FTSJ1: variants seen among roughly 807,000 people sequenced by gnomAD.
FTSJ1 encodes FtsJ RNA 2'-O-methyltransferase 1.
In FTSJ1, 3 loss-of-function variants were observed where a neutral mutation model predicts 28.5. The ratio of observed to expected loss-of-function variants is 0.11; its 90% confidence interval spans 0.05 to 0.27. The LOEUF (loss-of-function observed/expected upper bound fraction) is 0.27, where lower values mean the gene tolerates loss of function less well. Among genes scored for constraint, FTSJ1 ranks in the 10% least tolerant of loss-of-function variants. The probability of loss-of-function intolerance (pLI) is 1.00; values close to 1 mark genes in which losing one functional copy is unlikely to be tolerated. For missense variants in FTSJ1, 162 were observed against 279.0 expected, an observed-to-expected ratio of 0.58 and a Z score of 2.99; for synonymous variants, 104 against 113.9, an observed-to-expected ratio of 0.91 and a Z score of 0.55.
intron 8 of FTSJ1, 23 bp from the exon 9 acceptor site, chrX:48,481,609 C>T: frequency 8.6e-7 from 1 of 1,160,723 alleles, no homozygotes; most frequent in South Asian, 1.8e-5. Flanking sequence ...GCAGTCATGC[C>T]TCACTCCACC....
At chrX:48,476,623 G>T (rs2061533655) in intron 1 of FTSJ1, 2 of 178,726 alleles carry the variant, frequency 1.1e-5, no homozygotes, top group African/African-American at 3.0e-5. Flanking sequence ...GGTCGGAGCC[G>T]CCTGGAGGGG....
At chrX:48,478,288 G>A (rs1212400666) in intron 2 of FTSJ1, 120 bp downstream of exon 2, 1 of 857,995 alleles carries the variant, frequency 1.2e-6, no homozygotes, top group Non-Finnish European at 1.7e-6. Context: ...CTGGGGCAGG[G>A]AGACAGGCAG....
chrX:48,481,762 A>C, intron 9 of FTSJ1, 47 bp downstream of exon 9: 2 of 788,428 alleles, frequency 2.5e-6, no homozygotes, highest in Non-Finnish European at 3.9e-6. Context: ...GCCACACCTT[A>C]TGCAATCTAG....
chrX:48,483,080 A>T, intron 12 of FTSJ1, 53 bp downstream of exon 12: 1 of 971,054 alleles, frequency 1.0e-6, no homozygotes, highest in Non-Finnish European at 1.5e-6. Flanking sequence ...TTTATGAAAA[A>T]CCTCAGTAAA....
chrX:48,478,082 A>T lies in FTSJ1; in HGVS notation c.35A>T (p.Tyr12Phe), dbSNP rs782351182. ...ACGTCAAAGGACAAGCGGGATGTCT[A>T]CTACCGCCTGGCCAAGGAGAATGGC... ...GRTSKDKRDVYYRLAKENGWR... is the reference protein window; with the variant it reads ...GRTSKDKRDVFYRLAKENGWR... The change falls in exon 2 of 13, where the codon TAC becomes TTC. Residue 12 changes from tyrosine to phenylalanine, a missense_variant. By Grantham distance (22) the Tyr-to-Phe change is conservative (BLOSUM62 3). Transcript: ENST00000348411. 1 of 1,210,657 alleles carries T rather than the reference A, an allele frequency of 8.3e-7. No individual in the cohort carries two copies. Among genetic ancestry groups the T allele is most frequent in the East Asian group, 3.0e-5 (1 of 33,858 alleles).
intron 5 of FTSJ1, 87 bp downstream of exon 5, chrX:48,479,203 C>T (rs782802618): frequency 8.2e-6 from 5 of 609,930 alleles, no homozygotes; most frequent in Non-Finnish European, 1.4e-5. Flanking sequence ...ACTTATTCAC[C>T]TCTTCAGTTA....
In FTSJ1 at chrX:48,482,892, G is replaced by A. The variant is rs782475662; in HGVS notation, c.958-94G>A. Reference sequence around the variant, plus strand: ...TTCTGGGGCCAAAATTCCCTTTCCTGCCTCCCAATAGCTATAAAAAATTGG... The same window carrying A: ...TTCTGGGGCCAAAATTCCCTTTCCTACCTCCCAATAGCTATAAAAAATTGG... On this transcript the variant is annotated intron_variant, in intron 11 of 12. Transcript: ENST00000348411. 1.6e-5 allele frequency: 19 copies of A among 1,207,479 alleles called. No homozygotes were observed. The African/African-American group carries it at 2.1e-4, about 13-fold the overall frequency.
intron 4 of FTSJ1, 86 bp from the exon 5 acceptor site, chrX:48,478,952 G>C (rs781877365): frequency 3.9e-6 from 3 of 768,098 alleles, no homozygotes; most frequent in East Asian, 3.2e-5. Flanking sequence ...GCTGACCCAG[G>C]GGCTGTGGGC....
chrX:48,478,582 C>G, intron 3 of FTSJ1, 35 bp from the exon 4 acceptor site: 1 of 1,193,279 alleles, frequency 8.4e-7, no homozygotes, highest in Non-Finnish European at 1.1e-6. Flanking sequence ...GGCCCGGGAG[C>G]GAAACTAGGC....
At chrX:48,478,316 C>T (rs1331155267) in intron 2 of FTSJ1, 133 bp from the exon 3 acceptor site, 6 of 840,266 alleles carry the variant, frequency 7.1e-6, no homozygotes, top group Admixed American at 2.6e-5. Flanking sequence ...GGCAGAATAC[C>T]GGAGAGGAGT....
intron 2 of FTSJ1, 107 bp from the exon 3 acceptor site, chrX:48,478,342 T>G: frequency 3.5e-6 from 3 of 862,894 alleles, no homozygotes; most frequent in Non-Finnish European, 5.1e-6. Context: ...ACCTGGGCAA[T>G]GGAGATATGT....
At chrX:48,478,798 T>C in intron 4 of FTSJ1, 91 bp downstream of exon 4, 1 of 648,423 alleles carries the variant, frequency 1.5e-6, no homozygotes, top group South Asian at 2.4e-5. Context: ...AGAGAGGTGA[T>C]AGAAACAGAG....
intron 5 of FTSJ1, among the ~76,000 whole-genome samples, chrX:48,480,093 G>T (rs1444807881): frequency 9.2e-6 from 1 of 109,275 alleles, no homozygotes; most frequent in Non-Finnish European, 1.9e-5. Context: ...GCAGTGAGCT[G>T]AGATCGCACC....
intron 3 of FTSJ1, 46 bp from the exon 4 acceptor site, chrX:48,478,571 G>A (rs955477122): frequency 1.4e-5 from 17 of 1,188,176 alleles, no homozygotes; most frequent in South Asian, 3.6e-5. Flanking sequence ...TGGGTGGGAG[G>A]GGCCCGGGAG....
intron 1 of FTSJ1, among the ~76,000 whole-genome samples, chrX:48,477,237 A>G (rs782552324): frequency 7.2e-5 from 8 of 110,354 alleles, no homozygotes; most frequent in African/African-American, 2.6e-4. Flanking sequence ...AGAATGGGGA[A>G]CTGATGTGTG....
rs200713075 is a variant in FTSJ1, at chrX:48,479,080, C to T, written c.325C>T (p.Pro109Ser). 1.3e-4 allele frequency: 159 copies of T among 1,206,318 alleles called. 2 individuals are homozygous for T. In the Admixed American group the frequency reaches 3.4e-3, roughly 26 times the overall value. The change falls in exon 5 of 13, where the codon CCT (proline) becomes TCT (serine). Residue 109 changes from proline to serine, a missense_variant. By Grantham distance (74) the Pro-to-Ser change is moderately conservative. Coordinates refer to ENST00000348411, the MANE Select transcript of FTSJ1 (RefSeq NM_012280.4). Reference protein sequence around the residue: ...KEIIQHFKGCPADLVVCDGAP... With the variant: ...KEIIQHFKGCSADLVVCDGAP... ...GATCATCCAGCACTTTAAGGGCTGC[C>T]CTGCGGACCTAGTGGTGTGTGACGG...
At chrX:48,484,546 C>T (rs2061590532) in intron 12 of FTSJ1, among the ~76,000 whole-genome samples, 1 of 109,747 alleles carries the variant, frequency 9.1e-6, no homozygotes, top group African/African-American at 3.3e-5. Flanking sequence ...CCCACCTCAC[C>T]CGGCTAATTT....
intron 5 of FTSJ1, among the ~76,000 whole-genome samples, chrX:48,479,770 G>A (rs1223700759): frequency 8.9e-6 from 1 of 112,032 alleles, no homozygotes; most frequent in Admixed American, 9.5e-5. Flanking sequence ...TTGAGCCCAA[G>A]AGGTCGAGGT....
intron 12 of FTSJ1, 116 bp downstream of exon 12, chrX:48,483,143 C>A: frequency 1.7e-6 from 1 of 583,155 alleles, no homozygotes; most frequent in East Asian, 3.4e-5. Context: ...TCAACAAACC[C>A]TTTTCTAAAC....
Sources: allele counts gnomAD v4.1 joint callset (sites outside exome capture counted in the v4.1 genomes callset), GRCh38; gene constraint gnomAD v4.1.1; transcripts MANE v1.5; gene names NCBI Gene and HGNC (gene_info 2026-07-23, HGNC 2026-07-21).